Variants in RIMBP2 observed in about 807,000 individuals in gnomAD.
RIMBP2 encodes RIMS binding protein 2.
RIMBP2 carries 48 observed loss-of-function variants against 118.6 expected under a neutral mutation model. That is an observed-to-expected ratio of 0.40 (90% CI 0.32 to 0.51). The LOEUF (loss-of-function observed/expected upper bound fraction) is 0.51. RIMBP2 is among the 20% of genes least tolerant of loss of function. The pLI is 0.41. For missense variants in RIMBP2, 1,551 were observed against 1,768.3 expected, an observed-to-expected ratio of 0.88 and a Z score of 2.20; for synonymous variants, 762 against 742.9, an observed-to-expected ratio of 1.03 and a Z score of -0.42.
chr12:130,458,772 C>A (rs746221984), intron 6 of RIMBP2, among the ~76,000 whole-genome samples: 1 of 152,132 alleles, frequency 6.6e-6, no homozygotes, highest in African/African-American at 2.4e-5. Context: ...AGGCCAGGCA[C>A]GGTGGCTCAC....
chr12:130,560,006 G>C (rs546502169), intron 2 of RIMBP2, among the ~76,000 whole-genome samples: 3 of 152,338 alleles, frequency 2.0e-5, no homozygotes, highest in South Asian at 2.1e-4. Flanking sequence ...CTGAGAATGG[G>C]AGCAGGGGGT....
intron 17 of RIMBP2, among the ~76,000 whole-genome samples, chr12:130,421,570 C>T (rs1224223713): frequency 6.6e-6 from 1 of 152,118 alleles, no homozygotes; most frequent in Non-Finnish European, 1.5e-5. Flanking sequence ...AACGAGATTC[C>T]AGGTGGCTTT....
At chr12:130,503,779 T>C (rs1400812993) in intron 4 of RIMBP2, among the ~76,000 whole-genome samples, 1 of 152,224 alleles carries the variant, frequency 6.6e-6, no homozygotes, top group African/African-American at 2.4e-5. Context: ...CCCTGGAAAC[T>C]CGGAGCCAAA....
intron 1 of RIMBP2, among the ~76,000 whole-genome samples, chr12:130,705,689 T>G (rs1423953438): frequency 6.6e-6 from 1 of 152,242 alleles, no homozygotes. Flanking sequence ...ACACTGGGTA[T>G]GGCAGGAGTG....
chr12:130,514,349 A>C (rs1178194647), intron 3 of RIMBP2, among the ~76,000 whole-genome samples: 11 of 152,002 alleles, frequency 7.2e-5, no homozygotes, highest in African/African-American at 2.2e-4. Flanking sequence ...GCAAACAAAC[A>C]AAGTGGTTTG....
At chr12:130,579,766 A>G (rs1333759129) in intron 2 of RIMBP2, among the ~76,000 whole-genome samples, 1 of 151,956 alleles carries the variant, frequency 6.6e-6, no homozygotes, top group Non-Finnish European at 1.5e-5. Context: ...GGACCCAGCA[A>G]TGGTCGTGTT....
Position 130,523,467 on chromosome 12 carries a change from G to A in RIMBP2, c.-216-5550C>T, listed in dbSNP as rs952658774. Reference sequence around the variant, plus strand: ...CTGCTAAAGCAACGAGACATGGACAGGAGCCTTCACAGTGTCTCCCGAGGC... The same window carrying A: ...CTGCTAAAGCAACGAGACATGGACAAGAGCCTTCACAGTGTCTCCCGAGGC... On this transcript the variant is annotated intron_variant, in intron 2 of 22. Coordinates refer to ENST00000690449, the MANE Select transcript of RIMBP2 (RefSeq NM_001393629.1). The surrounding 1 kb of genome is among the most constrained non-coding windows in gnomAD (Gnocchi z 4.4). Among the ~76,000 whole-genome samples, 1 of 152,218 alleles carries A rather than the reference G, an allele frequency of 6.6e-6. No individual in the cohort carries two copies. The highest frequency in any genetic ancestry group is 6.5e-5 in the Admixed American group (1 of 15,292).
At chr12:130,412,871 A>C in intron 18 of RIMBP2, 84 bp from the exon 19 acceptor site, 1 of 1,236,978 alleles carries the variant, frequency 8.1e-7, no homozygotes, top group South Asian at 1.6e-5. Flanking sequence ...AAGTGAGTGT[A>C]GTCGAAAATA....
rs2077178577 is a variant in RIMBP2, at chr12:130,431,931, T to TCTA, written c.2253+2802_2253+2803insTAG. On this transcript the variant is annotated intron_variant, in intron 14 of 22. Transcript: ENST00000690449. The surrounding 1 kb of genome is among the most constrained non-coding windows in gnomAD (Gnocchi z 4.0). The stretch of plus-strand genomic sequence containing the variant: ...CTGTTTACATGTAAACTAATTAGAA[T>TCTA]GTAAACTAATCTGGAACTAATTTTA... 6.0e-6 allele frequency: 1 copy of TCTA among 165,848 alleles called. No individual in the cohort carries two copies. The highest frequency in any genetic ancestry group is 1.3e-5 in the Non-Finnish European group (1 of 77,226). The allele number at this position is 165,848 out of a possible 1,614,324, so 10.3% of individuals were successfully genotyped here. A position where few individuals can be genotyped will look rare whatever the true frequency, so the allele number is the denominator to read the frequency against.
chr12:130,562,119 TA>T (rs1157510769), intron 2 of RIMBP2, among the ~76,000 whole-genome samples: 1 of 152,202 alleles, frequency 6.6e-6, no homozygotes, highest in East Asian at 1.9e-4. Context: ...TTAAAATATA[TA>T]TCCATCACTC....
chr12:130,530,639 T>G (rs2053271611), intron 2 of RIMBP2, among the ~76,000 whole-genome samples: 1 of 152,212 alleles, frequency 6.6e-6, no homozygotes, highest in African/African-American at 2.4e-5. Flanking sequence ...TTTATTAACA[T>G]GAAGGATGTG....
intron 2 of RIMBP2, among the ~76,000 whole-genome samples, chr12:130,541,884 A>C (rs1566231297): frequency 1.3e-5 from 2 of 152,202 alleles, no homozygotes; most frequent in Non-Finnish European, 2.9e-5. Context: ...CCTTTATGTA[A>C]ACTAAGCAGA....
rs117878882 is a variant in RIMBP2 at position 130,507,502 on chromosome 12, C to T, written c.-126-732G>A. ...TTCTTGTCTAAAAATTTTATCTCATCTTAAAAGTGAATAAAAATGCCAATG... is the reference window on the plus strand; with the variant it reads ...TTCTTGTCTAAAAATTTTATCTCATTTTAAAAGTGAATAAAAATGCCAATG... On this transcript the variant is annotated intron_variant, in intron 3 of 22. Coordinates refer to ENST00000690449, the MANE Select transcript of RIMBP2 (RefSeq NM_001393629.1). Among the ~76,000 whole-genome samples, 44 of 152,200 alleles carry T rather than the reference C, an allele frequency of 2.9e-4. No homozygotes were observed. The East Asian group carries it at 7.3e-3, about 25-fold the overall frequency.
At position 130,604,723 on chromosome 12, in the gene RIMBP2, A is replaced by G. The variant is rs182902449; in HGVS notation, c.-217+23599T>C. On this transcript the variant is annotated intron_variant, in intron 2 of 22. Transcript: ENST00000690449. Reference sequence around the variant, plus strand: ...CTCAGCCTCCCAAGTAGCTGGGACTACAGGCACCACCACCACGCCCGGCTA... The same window carrying G: ...CTCAGCCTCCCAAGTAGCTGGGACTGCAGGCACCACCACCACGCCCGGCTA... Among the ~76,000 whole-genome samples the G allele has an allele frequency of 1.6e-4, 9 of 55,770 alleles. 4 individuals carry two copies. Among genetic ancestry groups the G allele is most frequent in the Non-Finnish European group, 3.2e-4 (9 of 27,750 alleles). The allele number at this position is 55,770 out of a possible 152,430, so 36.6% of individuals were successfully genotyped here.
rs952870127 is a variant in RIMBP2 at position 130,439,363 on chromosome 12, A to G, written c.1505-847T>C. Among the ~76,000 whole-genome samples, 5 of 143,960 alleles carry G rather than the reference A, an allele frequency of 3.5e-5. No individual in the cohort carries two copies. In the East Asian group the frequency reaches 8.5e-4, roughly 24 times the overall value. The allele number at this position is 143,960 out of a possible 152,430, so 94.4% of individuals were successfully genotyped here. ...TGTGTGTAGATGTGTGGGCATGCGT[A>G]TGTGTGTATGTGGGTGTGTGTATGT... On this transcript the variant is annotated intron_variant, in intron 11 of 22. Transcript: ENST00000690449.
chr12:130,500,277 G>A (rs2138660713), intron 4 of RIMBP2, among the ~76,000 whole-genome samples: 1 of 152,242 alleles, frequency 6.6e-6, no homozygotes, highest in African/African-American at 2.4e-5. Context: ...GACCAACACG[G>A]GGAAACCCCA....
At chr12:130,611,135 A>G (rs1393067880) in intron 2 of RIMBP2, among the ~76,000 whole-genome samples, 1 of 152,160 alleles carries the variant, frequency 6.6e-6, no homozygotes, top group African/African-American at 2.4e-5. Flanking sequence ...CAGAGCCTGA[A>G]CTCAGCCTCA....
chr12:130,658,522 G>C (rs911301800), intron 1 of RIMBP2: 3 of 152,208 alleles, frequency 2.0e-5, no homozygotes, highest in Admixed American at 1.3e-4. Context: ...AGGAGACCAG[G>C]AGCATCATAT....
intron 2 of RIMBP2, among the ~76,000 whole-genome samples, chr12:130,539,016 T>C (rs4759721): frequency 0.34 from 51,451 of 152,048 alleles, 10,594 homozygotes; most frequent in Non-Finnish European, 0.45. Context: ...CTGTCGATGA[T>C]CTTCAGTGGC....
Sources: allele counts gnomAD v4.1 joint callset (sites outside exome capture counted in the v4.1 genomes callset), GRCh38; gene constraint gnomAD v4.1.1; non-coding constraint Gnocchi (gnomAD v3.1); transcripts MANE v1.5; gene names NCBI Gene and HGNC (gene_info 2026-07-23, HGNC 2026-07-21).